The following KSR2 variants were observed in gnomAD, a reference collection of about 807,000 sequenced individuals.
The protein encoded by KSR2 is kinase suppressor of ras 2.
In KSR2, 25 loss-of-function variants were observed where a neutral mutation model predicts 107.8. The observed-to-expected ratio is 0.23, with a 90% CI of 0.17 to 0.32. The LOEUF (loss-of-function observed/expected upper bound fraction) is 0.32. KSR2 is among the 10% of genes least tolerant of loss of function. The pLI, the probability that KSR2 is intolerant of heterozygous loss-of-function variation, is 1.00. For missense variants in KSR2, 887 were observed against 1,268.9 expected, an observed-to-expected ratio of 0.70 and a Z score of 4.57; for synonymous variants, 480 against 507.0, an observed-to-expected ratio of 0.95 and a Z score of 0.71.
At chr12:117,785,410 A>G (rs1890030794) in intron 3 of KSR2, among the ~76,000 whole-genome samples, 1 of 101,712 alleles carries the variant, frequency 9.8e-6, no homozygotes, top group Admixed American at 1.2e-4. Context: ...GTGAGACTCC[A>G]TCTCAAAAAA....
At chr12:117,600,462 TC>T (rs1337477159) in intron 5 of KSR2, among the ~76,000 whole-genome samples, 9 of 152,176 alleles carry the variant, frequency 5.9e-5, no homozygotes, top group Non-Finnish European at 1.3e-4. Context: ...GACCACGCCC[TC>T]CGTCTCCTTT....
intron 9 of KSR2, among the ~76,000 whole-genome samples, chr12:117,554,090 A>C (rs1202385427): frequency 6.6e-6 from 1 of 152,202 alleles, no homozygotes; most frequent in South Asian, 2.1e-4. Context: ...TCTACCTTCG[A>C]CATAATGCAT....
At chr12:117,534,967 A>G (rs774703646) in intron 10 of KSR2, among the ~76,000 whole-genome samples, 44 of 152,320 alleles carry the variant, frequency 2.9e-4, no homozygotes, top group Middle Eastern at 3.4e-3. Flanking sequence ...TTTTAGCCCA[A>G]TGAAGCCCGT....
chr12:117,469,081 A>G (rs2137110503), intron 19 of KSR2, among the ~76,000 whole-genome samples: 1 of 152,342 alleles, frequency 6.6e-6, no homozygotes, highest in East Asian at 1.9e-4. Flanking sequence ...GGTCCCAGAA[A>G]GAGATGCCAC....
intron 5 of KSR2, among the ~76,000 whole-genome samples, chr12:117,635,950 C>T (rs552660654): frequency 6.6e-6 from 1 of 152,250 alleles, no homozygotes; most frequent in South Asian, 2.1e-4. Context: ...CACCACCATG[C>T]CTGGCTAATT....
At chr12:117,892,421 T>C (rs1191164766) in intron 1 of KSR2, among the ~76,000 whole-genome samples, 1 of 152,248 alleles carries the variant, frequency 6.6e-6, no homozygotes, top group Non-Finnish European at 1.5e-5. Flanking sequence ...AATTCTTCCA[T>C]TGCTTTCTTT....
rs1234109984 is a variant in KSR2, at chr12:117,815,630, T to TG, written c.472+39797dup. On this transcript the variant is annotated intron_variant, in intron 3 of 19. Transcript: ENST00000339824. The stretch of plus-strand genomic sequence containing the variant: ...AACAGTATATATGCTAAAGAGTGCA[T>TG]GAAAAAAAAGTAAGTACTATGAAAA... Among the ~76,000 whole-genome samples, 16 of 151,930 alleles carry TG rather than the reference T, an allele frequency of 1.1e-4. No homozygotes were observed. The South Asian group carries it at 1.7e-3, about 16-fold the overall frequency.
chr12:117,674,461 A>C, intron 4 of KSR2: 1 of 450,890 alleles, frequency 2.2e-6, no homozygotes, highest in Non-Finnish European at 4.5e-6. Context: ...TCTAGTTCCA[A>C]ATGCTCACCA....
At chr12:117,541,136 G>A (rs1211920189) in intron 9 of KSR2, among the ~76,000 whole-genome samples, 9 of 151,300 alleles carry the variant, frequency 5.9e-5, no homozygotes, top group Non-Finnish European at 1.2e-4. Flanking sequence ...AGCTGATGTG[G>A]AGGAATGGGA....
chr12:117,534,034 T>C (rs1014099351), intron 10 of KSR2, among the ~76,000 whole-genome samples: 1 of 152,122 alleles, frequency 6.6e-6, no homozygotes, highest in African/African-American at 2.4e-5. Flanking sequence ...TTGAGTGGGC[T>C]GCTCAGGAGA....
intron 1 of KSR2, among the ~76,000 whole-genome samples, chr12:117,881,667 T>C (rs977117031): frequency 6.6e-6 from 1 of 152,228 alleles, no homozygotes; most frequent in Non-Finnish European, 1.5e-5. Context: ...AATGAGGAAA[T>C]GGAGGTCAGC....
At chr12:117,895,615 A>T (rs1443447323) in intron 1 of KSR2, among the ~76,000 whole-genome samples, 1 of 152,116 alleles carries the variant, frequency 6.6e-6, no homozygotes, top group African/African-American at 2.4e-5. Flanking sequence ...TGAATGCAGA[A>T]CCCTCCTGCA....
intron 3 of KSR2, among the ~76,000 whole-genome samples, chr12:117,849,976 C>G (rs1377917640): frequency 6.6e-6 from 1 of 152,220 alleles, no homozygotes; most frequent in African/African-American, 2.4e-5. Context: ...ATATCACCCT[C>G]AAGAAGTAAG....
intron 5 of KSR2, among the ~76,000 whole-genome samples, chr12:117,664,721 G>A (rs1045342647): frequency 2.0e-5 from 3 of 152,128 alleles, no homozygotes; most frequent in Non-Finnish European, 4.4e-5. Context: ...GGAACTTGCC[G>A]CATTGAAGTG....
rs1224819509 is a variant in KSR2, at chr12:117,530,981, C to T, written c.1762G>A (p.Ala588Thr). The T allele has an allele frequency of 6.2e-7, 1 of 1,613,560 alleles. No individual in the cohort carries two copies. Among genetic ancestry groups the T allele is most frequent in the South Asian group, 1.1e-5 (1 of 91,010 alleles). The change falls in exon 12 of 20, where the codon GCG becomes ACG. Residue 588 changes from alanine to threonine, a missense_variant. Coordinates refer to ENST00000339824, the MANE Select transcript of KSR2 (RefSeq NM_173598.6). ...ACCGGATGCAGGATGACCTGGGGCG[C>T]CCGGGTCGGCGTCTCCGGCACCGGC... Reference protein sequence around the residue: ...VVPVPETPTRAPQVILHPVTS... With the variant: ...VVPVPETPTRTPQVILHPVTS...
chr12:117,855,332 C>T (rs756308456), intron 3 of KSR2, 96 bp downstream of exon 3: 94 of 1,524,884 alleles, frequency 6.2e-5, no homozygotes, highest in Non-Finnish European at 8.0e-5. Flanking sequence ...GACTCTGTCT[C>T]GTCCTGGCCT....
intron 8 of KSR2, among the ~76,000 whole-genome samples, chr12:117,555,595 C>T (rs922324616): frequency 3.9e-5 from 6 of 152,238 alleles, no homozygotes; most frequent in South Asian, 4.1e-4. Flanking sequence ...TTTAAATACA[C>T]GAGGTTCCTG....
Position 117,936,524 on chromosome 12 carries a change from T to TAGTAGTAG in KSR2, c.180+31551_180+31552insCTACTACT, listed in dbSNP as rs1566089563. ...CATTATTATTATTTTATTATTATTA[T>TAGTAGTAG]TATTATTATTAGTAGTAGTAGTAGT... On this transcript the variant is annotated intron_variant, in intron 1 of 19. Coordinates refer to ENST00000339824, the MANE Select transcript of KSR2 (RefSeq NM_173598.6). Among the ~76,000 whole-genome samples, 409 of 93,780 alleles carry TAGTAGTAG rather than the reference T, an allele frequency of 4.4e-3. 2 individuals carry two copies. Among genetic ancestry groups the TAGTAGTAG allele is most frequent in the Admixed American group, 0.012 (122 of 9,896 alleles). 61.5% of individuals were successfully genotyped at this position (93,780 alleles called of 152,430 possible). A position where few individuals can be genotyped will look rare whatever the true frequency, so the allele number is the denominator to read the frequency against.
intron 4 of KSR2, among the ~76,000 whole-genome samples, chr12:117,752,455 CAT>C (rs776086676): frequency 9.2e-5 from 14 of 152,264 alleles, no homozygotes; most frequent in Admixed American, 2.0e-4. Flanking sequence ...TTAATAAAAG[CAT>C]ATAGTGTGGT....
Sources: gnomAD v4.1 joint callset for allele counts (sites outside exome capture counted in the v4.1 genomes callset) on GRCh38, gnomAD v4.1.1 for gene constraint, MANE v1.5 for transcripts, NCBI Gene and HGNC (gene_info 2026-07-23, HGNC 2026-07-21) for gene names.